Variants in PRH1 observed in about 807,000 individuals in gnomAD.
The protein encoded by PRH1 is salivary acidic proline-rich phosphoprotein 1/2.
A neutral mutation model predicts 7.9 loss-of-function variants in PRH1; 7 were observed. The ratio of observed to expected loss-of-function variants is 0.89; its 90% CI spans 0.50 to 1.67. The LOEUF is 1.67. Among genes scored for constraint, PRH1 ranks in the 40% most tolerant of loss-of-function variants. The pLI is 0.00. For synonymous variants in PRH1, 45 were observed against 80.8 expected, an observed-to-expected ratio of 0.56 and a Z score of 2.38; for missense variants, 109 against 223.6, an observed-to-expected ratio of 0.49 and a Z score of 3.27.
intron 1 of PRH1, among the ~76,000 whole-genome samples, chr12:10,988,789 T>G (rs754066822): frequency 4.6e-5 from 7 of 152,048 alleles, no homozygotes; most frequent in Non-Finnish European, 7.4e-5. Flanking sequence ...ATAGCCATAA[T>G]TTAGAATGAT....
At chr12:10,966,459 T>C (rs540013324) in intron 2 of PRH1, among the ~76,000 whole-genome samples, 6 of 152,260 alleles carry the variant, frequency 3.9e-5, no homozygotes, top group African/African-American at 1.4e-4. Flanking sequence ...TATGAGAACA[T>C]TGCCTGGCTA....
At chr12:11,154,560 G>C (rs564123421) in intron 1 of PRH1, among the ~76,000 whole-genome samples, 1 of 152,126 alleles carries the variant, frequency 6.6e-6, no homozygotes, top group Non-Finnish European at 1.5e-5. Flanking sequence ...GGAGGTGGAG[G>C]GAAGGTTAGG....
chr12:11,019,775 T>G (rs977103065), intron 1 of PRH1, among the ~76,000 whole-genome samples: 5 of 152,286 alleles, frequency 3.3e-5, no homozygotes, highest in Non-Finnish European at 7.3e-5. Flanking sequence ...CAGCAAAGCA[T>G]TGAAGGCAGC....
chr12:11,141,216 A>G (rs1386085277), intron 1 of PRH1, among the ~76,000 whole-genome samples: 1 of 152,186 alleles, frequency 6.6e-6, no homozygotes, highest in Non-Finnish European at 1.5e-5. Context: ...CTTACCACTC[A>G]TGCTTAGGCC....
intron 1 of PRH1, among the ~76,000 whole-genome samples, chr12:11,008,404 G>C (rs1940922312): frequency 6.6e-6 from 1 of 152,092 alleles, no homozygotes; most frequent in Admixed American, 6.6e-5. Context: ...AAACAGTCGA[G>C]TAACCATCAT....
intron 2 of PRH1, among the ~76,000 whole-genome samples, chr12:10,918,480 A>G (rs1217387008): frequency 6.6e-6 from 1 of 152,222 alleles, no homozygotes; most frequent in Non-Finnish European, 1.5e-5. Flanking sequence ...AAAATGGACT[A>G]AGACAAAACT....
At chr12:11,030,479 A>C in intron 1 of PRH1, 1 of 1,614,276 alleles carries the variant, frequency 6.2e-7, no homozygotes, top group South Asian at 1.1e-5. Flanking sequence ...AGTCTGCTTT[A>C]GCTTCTTGTT....
In PRH1 at chr12:11,093,814, T is replaced by A. The variant is rs1171539243; in HGVS notation, n.124-46626A>T. Among the ~76,000 whole-genome samples the A allele has an allele frequency of 1.8e-5, 2 of 114,060 alleles. 1 individual carries two copies. Among genetic ancestry groups the A allele is most frequent in the Non-Finnish European group, 4.1e-5 (2 of 48,348 alleles). The allele number at this position is 114,060 out of a possible 152,430, so 74.8% of individuals were successfully genotyped here. A position where few individuals can be genotyped will look rare whatever the true frequency, so the allele number is the denominator to read the frequency against. ...ATACTGGGGATTCTTCCTCTTTCCA[T>A]AGAGATTTGAGATGGCTTCCATACT... On this transcript the variant is annotated intron_variant and non_coding_transcript_variant, in intron 1 of 4. Coordinates refer to the PRH1 transcript ENST00000541977.
intron 2 of PRH1, chr12:10,909,013 T>G: frequency 6.2e-7 from 1 of 1,613,762 alleles, no homozygotes; most frequent in Non-Finnish European, 8.5e-7. Flanking sequence ...AGCCAGAGAT[T>G]GAAGTGATTA....
chr12:10,952,556 CTG>C (rs1937738464), intron 2 of PRH1, among the ~76,000 whole-genome samples: 1 of 152,114 alleles, frequency 6.6e-6, no homozygotes, highest in Admixed American at 6.5e-5. Context: ...AATCAAGACA[CTG>C]TGGTAATTGC....
rs565170254 is a variant in PRH1 at position 11,130,676 on chromosome 12, G to T, written n.40-9496C>A. 9.9e-5 allele frequency among the ~76,000 whole-genome samples: 15 copies of T among 150,858 alleles called. 1 individual carries two copies. The South Asian group carries it at 3.2e-3, about 32-fold the overall frequency. On this transcript the variant is annotated intron_variant and non_coding_transcript_variant, in intron 1 of 1. Transcript: ENST00000541175. ...GTCTCTGACAAGCCTGTAGGAGAGG[G>T]GAGAGCAAATCCCTATGGAATCAGT...
chr12:10,920,928 G>A (rs1950036536), intron 2 of PRH1, among the ~76,000 whole-genome samples: 1 of 151,816 alleles, frequency 6.6e-6, no homozygotes, highest in Non-Finnish European at 1.5e-5. Flanking sequence ...ATCTTGATTA[G>A]GAGTTAAATT....
chr12:11,062,143 A>G, intron 1 of PRH1: 1 of 1,613,698 alleles, frequency 6.2e-7, no homozygotes, highest in Non-Finnish European at 8.5e-7. Flanking sequence ...GGAGACTGCC[A>G]GAGCAGTGAG....
chr12:11,076,483 A>G (rs1317849225), intron 1 of PRH1, among the ~76,000 whole-genome samples: 2 of 128,298 alleles, frequency 1.6e-5, no homozygotes, highest in Non-Finnish European at 3.6e-5. Context: ...ATGGGAGACA[A>G]AGGAGAAAAT....
intron 1 of PRH1, among the ~76,000 whole-genome samples, chr12:11,017,771 G>T (rs1238535769): frequency 6.6e-6 from 1 of 152,048 alleles, no homozygotes; most frequent in African/African-American, 2.4e-5. Context: ...GGTATTACAG[G>T]CGTGAACCAC....
intron 1 of PRH1, chr12:10,986,439 A>G: frequency 1.2e-6 from 2 of 1,614,066 alleles, no homozygotes; most frequent in Non-Finnish European, 1.7e-6. Flanking sequence ...AAGATGACAA[A>G]CCAAAAATAT....
intron 1 of PRH1, among the ~76,000 whole-genome samples, chr12:11,170,965 A>T (rs1331558974): frequency 6.6e-6 from 1 of 152,264 alleles, no homozygotes; most frequent in Middle Eastern, 3.2e-3. Context: ...ATAACACAGC[A>T]GACAAACTAA....
At chr12:11,014,081 T>C (rs1255789893) in intron 1 of PRH1, among the ~76,000 whole-genome samples, 10 of 152,196 alleles carry the variant, frequency 6.6e-5, no homozygotes, top group Non-Finnish European at 1.2e-4. Context: ...AATATTTACA[T>C]AATGTGCTAT....
chr12:11,098,442 T>C (rs533049258), intron 1 of PRH1, among the ~76,000 whole-genome samples: 1 of 152,286 alleles, frequency 6.6e-6, no homozygotes, highest in African/African-American at 2.4e-5. Context: ...GAATTATTCA[T>C]ACTGAAATTG....
Sources: allele counts gnomAD v4.1 joint callset (sites outside exome capture counted in the v4.1 genomes callset), GRCh38; gene constraint gnomAD v4.1.1; transcripts MANE v1.5; gene names NCBI Gene and HGNC (gene_info 2026-07-23, HGNC 2026-07-21).